Variants in TGFBR1 observed in about 807,000 individuals in gnomAD.
TGFBR1 encodes transforming growth factor beta receptor 1.
TGFBR1 carries 20 observed loss-of-function variants against 55.1 expected under a neutral mutation model. The observed-to-expected ratio is 0.36, with a 90% confidence interval of 0.26 to 0.53. TGFBR1 has a LOEUF of 0.53. Ranked by LOEUF, TGFBR1 falls within the 20% of genes least tolerant of loss-of-function variation. The probability of loss-of-function intolerance (pLI) is 0.91; values close to 1 mark genes in which losing one functional copy is unlikely to be tolerated. For synonymous variants in TGFBR1, 220 were observed against 214.8 expected, an observed-to-expected ratio of 1.02 and a Z score of -0.21; for missense variants, 385 against 617.6, an observed-to-expected ratio of 0.62 and a Z score of 3.99.
At chr9:99,114,971 C>A (rs1429129094) in intron 1 of TGFBR1, among the ~76,000 whole-genome samples, 1 of 152,124 alleles carries the variant, frequency 6.6e-6, no homozygotes, top group African/African-American at 2.4e-5. Flanking sequence ...TGTGGCCCTA[C>A]TGTACTGGTC....
At chr9:99,134,219 T>C (rs1029630857) in intron 3 of TGFBR1, among the ~76,000 whole-genome samples, 5 of 152,166 alleles carry the variant, frequency 3.3e-5, no homozygotes, top group African/African-American at 9.7e-5. Flanking sequence ...AAGAAACTGA[T>C]TTTATTACCT....
chr9:99,120,515 C>A (rs1199218468), intron 1 of TGFBR1, among the ~76,000 whole-genome samples: 1 of 152,192 alleles, frequency 6.6e-6, no homozygotes, highest in African/African-American at 2.4e-5. Flanking sequence ...ATTGTAATCA[C>A]ACTATACAGC....
At chr9:99,147,337 A>G (rs1185123260) in intron 7 of TGFBR1, among the ~76,000 whole-genome samples, 1 of 152,236 alleles carries the variant, frequency 6.6e-6, no homozygotes, top group Non-Finnish European at 1.5e-5. Context: ...CACTTACAGA[A>G]TAGAATCTCA....
chr9:99,110,050 T>G (rs1287500833), intron 1 of TGFBR1, among the ~76,000 whole-genome samples: 2 of 152,204 alleles, frequency 1.3e-5, no homozygotes. Context: ...GCTTTCCAGG[T>G]AAGTTTCTTA....
At chr9:99,106,725 T>C (rs1444536551) in intron 1 of TGFBR1, among the ~76,000 whole-genome samples, 1 of 152,196 alleles carries the variant, frequency 6.6e-6, no homozygotes, top group Non-Finnish European at 1.5e-5. Flanking sequence ...TATGTATACA[T>C]CATACTATCT....
intron 8 of TGFBR1, among the ~76,000 whole-genome samples, chr9:99,148,492 C>G (rs1306651079): frequency 6.6e-6 from 1 of 152,146 alleles, no homozygotes; most frequent in Non-Finnish European, 1.5e-5. Flanking sequence ...AGATTTGTAG[C>G]TTAAAAAGGC....
At chr9:99,128,016 G>T (rs1482381482) in intron 1 of TGFBR1, 1 of 455,900 alleles carries the variant, frequency 2.2e-6, no homozygotes, top group Non-Finnish European at 4.4e-6. Flanking sequence ...AGCAGTATGT[G>T]TTTTGGAGAG....
chr9:99,124,985 A>C (rs1363374397), intron 1 of TGFBR1, among the ~76,000 whole-genome samples: 1 of 152,182 alleles, frequency 6.6e-6, no homozygotes, highest in Non-Finnish European at 1.5e-5. Context: ...CTATAAACCA[A>C]ATCTGCAAAT....
At chr9:99,106,673 G>A (rs1168191873) in intron 1 of TGFBR1, among the ~76,000 whole-genome samples, 1 of 152,184 alleles carries the variant, frequency 6.6e-6, no homozygotes, top group East Asian at 1.9e-4. Context: ...TTTTCACTCA[G>A]ATCTCAGTTT....
intron 1 of TGFBR1, among the ~76,000 whole-genome samples, chr9:99,119,866 G>A (rs1418328970): frequency 6.6e-6 from 1 of 152,196 alleles, no homozygotes; most frequent in Non-Finnish European, 1.5e-5. Flanking sequence ...TGTTGTATAT[G>A]CATATGGTTT....
chr9:99,105,155 G>C lies in TGFBR1; in HGVS notation c.-51G>C. Reference sequence around the variant, plus strand: ...GGCGAGGCGAGGTTTGCTGGGGTGAGGCAGCGGCGCGGCCGGGCCGGGCCG... The same window carrying C: ...GGCGAGGCGAGGTTTGCTGGGGTGACGCAGCGGCGCGGCCGGGCCGGGCCG... On this transcript the variant is annotated 5_prime_UTR_variant, in exon 1 of 9. Coordinates refer to ENST00000374994, the MANE Select transcript of TGFBR1 (RefSeq NM_004612.4). 9.2e-7 allele frequency: 1 copy of C among 1,082,992 alleles called. No individual in the cohort carries two copies. The highest frequency in any genetic ancestry group is 1.1e-6 in the Non-Finnish European group (1 of 892,142). The allele number at this position is 1,082,992 out of a possible 1,614,324, so 67.1% of individuals were successfully genotyped here. A position where few individuals can be genotyped will look rare whatever the true frequency, so the allele number is the denominator to read the frequency against.
chr9:99,132,635 G>C lies in TGFBR1; in HGVS notation c.470G>C (p.Arg157Pro), dbSNP rs147146713. ...CACAACCGCACTGTCATTCACCATC[G>C]AGTGCCAAATGAAGAGGACCCTTCA... ...ICHNRTVIHH[R>P]VPNEEDPSLD... The change falls in exon 3 of 9, where the codon CGA becomes CCA. Residue 157 changes from arginine to proline, a missense_variant. Coordinates refer to ENST00000374994, the MANE Select transcript of TGFBR1 (RefSeq NM_004612.4). 3.7e-5 allele frequency: 59 copies of C among 1,613,940 alleles called. No individual in the cohort carries two copies. Among genetic ancestry groups the C allele is most frequent in the Non-Finnish European group, 4.7e-5 (56 of 1,180,014 alleles).
intron 1 of TGFBR1, among the ~76,000 whole-genome samples, chr9:99,118,643 C>CTTTTT (rs749441442): frequency 1.4e-4 from 18 of 129,722 alleles, no homozygotes; most frequent in East Asian, 2.3e-4. Flanking sequence ...TGTTTTCTTT[C>CTTTTT]TTTTTTTTTT....
chr9:99,127,952 CAAG>C (rs1275824825), intron 1 of TGFBR1: 4 of 455,850 alleles, frequency 8.8e-6, no homozygotes, highest in East Asian at 6.9e-5. Context: ...TATCTGGCCT[CAAG>C]GAGTTTACAG....
At chr9:99,122,019 T>C (rs960482163) in intron 1 of TGFBR1, among the ~76,000 whole-genome samples, 3 of 152,022 alleles carry the variant, frequency 2.0e-5, no homozygotes, top group African/African-American at 4.8e-5. Flanking sequence ...TAAAAACTAA[T>C]AAAGAAAGGG....
chr9:99,151,455 T>G lies in TGFBR1; in HGVS notation c.*2150T>G, dbSNP rs1476910316. 1 of 230,216 alleles carries G rather than the reference T, an allele frequency of 4.3e-6. No homozygotes were observed. The highest frequency in any genetic ancestry group is 8.6e-6 in the Non-Finnish European group (1 of 116,604). 14.3% of individuals were successfully genotyped at this position (230,216 alleles called of 1,614,324 possible). ...TTCTAAGCCTACCAGATCTGCTTTA[T>G]GAAATCCAGGGGACCAATGCATTTT... On this transcript the variant is annotated 3_prime_UTR_variant, in exon 9 of 9. Transcript: ENST00000374994.
intron 1 of TGFBR1, among the ~76,000 whole-genome samples, chr9:99,114,474 G>T (rs1438352417): frequency 6.6e-6 from 1 of 152,144 alleles, no homozygotes; most frequent in Non-Finnish European, 1.5e-5. Flanking sequence ...ATCTCCAAGT[G>T]GTAAGGGGTT....
At chr9:99,133,877 G>A (rs761681828) in intron 3 of TGFBR1, among the ~76,000 whole-genome samples, 9 of 151,906 alleles carry the variant, frequency 5.9e-5, no homozygotes, top group East Asian at 1.9e-4. Context: ...AGTGGCATGC[G>A]CCTGTAGTCC....
Position 99,146,592 on chromosome 9 carries a change from G to A in TGFBR1, c.1238G>A (p.Arg413Gln), listed in dbSNP as rs1389908628. 10 of 1,613,798 alleles carry A rather than the reference G, an allele frequency of 6.2e-6. No individual in the cohort carries two copies. The highest frequency in any genetic ancestry group is 4.0e-5 in the African/African-American group (3 of 74,886). Residue 413 changes from arginine (R) to glutamine (Q), a missense_variant, in exon 7 of 9, where the codon CGA becomes CAA. Transcript: ENST00000374994. ...GGCTTAGTATTCTGGGAAATTGCTC[G>A]ACGATGTTCCATTGGTGGTAAATTG... is the stretch of plus-strand genomic sequence containing the variant. Reference protein sequence around the residue: ...AMGLVFWEIARRCSIGGIHED... With the variant: ...AMGLVFWEIAQRCSIGGIHED...
Sources: gnomAD v4.1 joint callset for allele counts (sites outside exome capture counted in the v4.1 genomes callset) on GRCh38, gnomAD v4.1.1 for gene constraint, MANE v1.5 for transcripts, NCBI Gene and HGNC (gene_info 2026-07-23, HGNC 2026-07-21) for gene names.